The following LRRK1 variants were observed in gnomAD, a reference collection of about 807,000 sequenced individuals.
The protein encoded by LRRK1 is leucine rich repeat kinase 1.
Under a neutral mutation model 209.1 loss-of-function variants are expected in LRRK1, and 113 were observed. That is an observed-to-expected ratio of 0.54 (90% CI 0.46 to 0.63). LRRK1 has a LOEUF of 0.63. Among genes scored for constraint, LRRK1 ranks in the 30% least tolerant of loss-of-function variants. The pLI, the probability that LRRK1 is intolerant of heterozygous loss-of-function variation, is 0.00. For missense variants in LRRK1, 2,284 were observed against 2,632.2 expected, an observed-to-expected ratio of 0.87 and a Z score of 2.89; for synonymous variants, 1,144 against 1,099.7, an observed-to-expected ratio of 1.04 and a Z score of -0.80.
intron 4 of LRRK1, among the ~76,000 whole-genome samples, chr15:100,988,239 G>T (rs530162018): frequency 6.6e-6 from 1 of 151,970 alleles, no homozygotes; most frequent in Non-Finnish European, 1.5e-5. Flanking sequence ...AGATTATTTC[G>T]TCACCTGGGT....
At chr15:101,009,085 G>A (rs760274335) in intron 7 of LRRK1, 22 bp downstream of exon 7, 4 of 1,565,670 alleles carry the variant, frequency 2.6e-6, no homozygotes, top group South Asian at 2.2e-5. Context: ...GGGTGTGACC[G>A]GAGCCGTGTG....
chr15:101,068,795 C>A lies in LRRK1; in HGVS notation c.5995C>A (p.Gln1999Lys). The change falls in exon 34 of 34, where the codon CAG (glutamine) becomes AAG (lysine). Residue 1999 changes from glutamine to lysine, a missense_variant. Physicochemically the swap from Gln to Lys is moderately conservative, Grantham distance 53. Transcript: ENST00000388948. ...CGCCAGGGAGTTCGACATTTTCTACCAGTCCTACGAGGAGCTGGGCCGGCT... is the reference window on the plus strand; with the variant it reads ...CGCCAGGGAGTTCGACATTTTCTACAAGTCCTACGAGGAGCTGGGCCGGCT... ...WGAREFDIFY[Q>K]SYEELGRLEA... The A allele has an allele frequency of 6.2e-7, 1 of 1,613,156 alleles. No individual in the cohort carries two copies. Among genetic ancestry groups the A allele is most frequent in the South Asian group, 1.1e-5 (1 of 90,990 alleles).
chr15:101,057,961 G>C, intron 28 of LRRK1, 29 bp from the exon 29 acceptor site: 1 of 1,613,218 alleles, frequency 6.2e-7, no homozygotes, highest in South Asian at 1.1e-5. Flanking sequence ...AAGTGACCTT[G>C]CTCTCTTCTG....
intron 24 of LRRK1, 124 bp downstream of exon 24, chr15:101,052,084 C>G: frequency 9.0e-7 from 1 of 1,106,234 alleles, no homozygotes; most frequent in Admixed American, 2.5e-5. Flanking sequence ...GCCATGGCTT[C>G]CCACCAATCT....
chr15:101,010,401 T>A (rs1414016342), intron 7 of LRRK1, 49 bp from the exon 8 acceptor site: 1 of 1,566,300 alleles, frequency 6.4e-7, no homozygotes, highest in Non-Finnish European at 8.6e-7. Flanking sequence ...GTAAATTTGG[T>A]GTTTTCCCTC....
chr15:100,946,846 C>A (rs922417902), intron 2 of LRRK1, among the ~76,000 whole-genome samples: 5 of 152,172 alleles, frequency 3.3e-5, no homozygotes, highest in African/African-American at 1.2e-4. Flanking sequence ...GTAGCAAAGC[C>A]CTTCTTAAGT....
At chr15:101,043,037 C>T (rs1354054743) in intron 20 of LRRK1, among the ~76,000 whole-genome samples, 1 of 152,228 alleles carries the variant, frequency 6.6e-6, no homozygotes, top group Non-Finnish European at 1.5e-5. Context: ...CCATATCAGC[C>T]GCTTCCTGGG....
In LRRK1 at chr15:101,066,126, C is replaced by A. The variant is rs370127139; in HGVS notation, c.5689C>A (p.Pro1897Thr). ...CGACAGGTCTGAGCATGACCTGACC[C>A]CCATGGACGGGGAGACCTTCAGCCA... The part of the protein sequence containing the change: ...ASDRSEHDLT[P>T]MDGETFSQHL... The change falls in exon 32 of 34, where the codon CCC (proline) becomes ACC (threonine). Residue 1897 changes from proline (P) to threonine (T), a missense_variant. By Grantham distance (38) the Pro-to-Thr change is conservative. This residue lies in a region of LRRK1 where 643 missense variants were observed against 695.9 expected (regional missense o/e 0.92). Coordinates refer to ENST00000388948, the MANE Select transcript of LRRK1 (RefSeq NM_024652.6). The A allele has an allele frequency of 1.9e-6, 3 of 1,614,006 alleles. No individual in the cohort carries two copies. Among genetic ancestry groups the A allele is most frequent in the Non-Finnish European group, 2.5e-6 (3 of 1,180,042 alleles).
chr15:101,040,809 CTTATT>C (rs1272632199), intron 20 of LRRK1, among the ~76,000 whole-genome samples: 1 of 152,172 alleles, frequency 6.6e-6, no homozygotes, highest in Non-Finnish European at 1.5e-5. Flanking sequence ...TTCACTGAGA[CTTATT>C]TTATGGGCCA....
intron 20 of LRRK1, among the ~76,000 whole-genome samples, chr15:101,037,908 A>G (rs902970890): frequency 1.3e-5 from 2 of 152,244 alleles, no homozygotes; most frequent in African/African-American, 4.8e-5. Flanking sequence ...TACAAAAAAG[A>G]TACTTGCACA....
intron 20 of LRRK1, among the ~76,000 whole-genome samples, chr15:101,032,178 A>G (rs2034312493): frequency 6.6e-6 from 1 of 152,154 alleles, no homozygotes; most frequent in African/African-American, 2.4e-5. Context: ...GGCCGTTGGT[A>G]TATCTTCTTC....
At chr15:100,962,823 A>ATATATATATTTTT in intron 2 of LRRK1, among the ~76,000 whole-genome samples, 3 of 11,548 alleles carry the variant, frequency 2.6e-4, no homozygotes, top group African/African-American at 7.6e-4. Flanking sequence ...ATATATATAT[A>ATATATATATTTTT]TTTTTTTTTT....
At chr15:100,921,370 A>G (rs776852105) in intron 1 of LRRK1, among the ~76,000 whole-genome samples, 1 of 152,224 alleles carries the variant, frequency 6.6e-6, no homozygotes, top group Non-Finnish European at 1.5e-5. Context: ...GATGCCCCCA[A>G]ACCCATTAAA....
In LRRK1 at chr15:101,027,559, G is replaced by A. The variant is rs2034092449; in HGVS notation, c.2527-79G>A. On this transcript the variant is annotated intron_variant, in intron 18 of 33. Transcript: ENST00000388948. The surrounding 1 kb of genome is among the most constrained non-coding windows in gnomAD (Gnocchi z 5.1). ...AAACGTCCCACCCCCTCAGGCCACAGGGGCCGGGCAGGATCTGCCCAAGCT... is the reference window on the plus strand; with the variant it reads ...AAACGTCCCACCCCCTCAGGCCACAAGGGCCGGGCAGGATCTGCCCAAGCT... 3.2e-6 allele frequency: 5 copies of A among 1,560,362 alleles called. No individual in the cohort carries two copies. The South Asian group carries it at 5.9e-5, about 18-fold the overall frequency.
Position 101,070,954 on chromosome 15 carries a change from G to A in LRRK1, c.*2106G>A, listed in dbSNP as rs957266648. 8.5e-5 allele frequency: 13 copies of A among 152,204 alleles called. No homozygotes were observed. Among genetic ancestry groups the A allele is most frequent in the African/African-American group, 2.9e-4 (12 of 41,440 alleles). 9.4% of individuals were successfully genotyped at this position (152,204 alleles called of 1,614,324 possible). On this transcript the variant is annotated 3_prime_UTR_variant, in exon 34 of 34. Coordinates refer to ENST00000388948, the MANE Select transcript of LRRK1 (RefSeq NM_024652.6). Reference sequence around the variant, plus strand: ...ACCTCACTTATCTTCATTACAGAGAGTTCGTAATGTCAATAAGAAACAGAA... The same window carrying A: ...ACCTCACTTATCTTCATTACAGAGAATTCGTAATGTCAATAAGAAACAGAA...
intron 2 of LRRK1, among the ~76,000 whole-genome samples, chr15:100,934,871 A>G (rs1469320069): frequency 6.6e-6 from 1 of 152,042 alleles, no homozygotes; most frequent in South Asian, 2.1e-4. Context: ...GCATTAGAGT[A>G]AGATCATGTA....
At chr15:100,964,262 A>AC (rs1268674496) in intron 2 of LRRK1, among the ~76,000 whole-genome samples, 1 of 152,090 alleles carries the variant, frequency 6.6e-6, no homozygotes, top group Non-Finnish European at 1.5e-5. Context: ...TCCTCTGCAC[A>AC]CCCCCAACCT....
intron 2 of LRRK1, among the ~76,000 whole-genome samples, chr15:100,936,140 G>A (rs185640971): frequency 6.6e-4 from 100 of 152,316 alleles, no homozygotes; most frequent in South Asian, 1.5e-3. Flanking sequence ...AAAGGAAGGA[G>A]GGATCAAAGA....
chr15:101,059,918 G>A (rs533497931), intron 29 of LRRK1, among the ~76,000 whole-genome samples: 1 of 152,324 alleles, frequency 6.6e-6, no homozygotes, highest in East Asian at 1.9e-4. Flanking sequence ...GGGTGAATTG[G>A]AGGACCTTGG....
Sources: gnomAD v4.1 joint callset for allele counts (sites outside exome capture counted in the v4.1 genomes callset) on GRCh38, gnomAD v4.1.1 for gene constraint, gnomAD v4.1.1 regional missense constraint, Gnocchi (gnomAD v3.1) non-coding constraint, MANE v1.5 for transcripts, NCBI Gene and HGNC (gene_info 2026-07-23, HGNC 2026-07-21) for gene names.